Variants in EYS observed in about 807,000 individuals in gnomAD.
EYS encodes the protein protein eyes shut homolog.
EYS carries 250 observed loss-of-function variants against 282.1 expected under a neutral mutation model. The observed-to-expected ratio is 0.89, with a 90% CI of 0.80 to 0.98. EYS has a LOEUF of 0.98. Among genes scored for constraint, EYS ranks in the 50% least tolerant of loss-of-function variants. The probability of loss-of-function intolerance (pLI) is 0.00; values close to 1 mark genes in which losing one functional copy is unlikely to be tolerated. For synonymous variants in EYS, 1,355 were observed against 1,282.9 expected (o/e 1.06, Z -1.20); for missense variants, 4,016 against 3,709.0 (o/e 1.08, Z -2.15).
chr6:63,730,223 C>T (rs917336004), intron 41 of EYS, among the ~76,000 whole-genome samples: 1 of 152,296 alleles, frequency 6.6e-6, no homozygotes, highest in Admixed American at 6.5e-5. Context: ...TTACCACTGC[C>T]ACCATCCAAG....
At chr6:64,137,417 A>G (rs765426853) in intron 31 of EYS, among the ~76,000 whole-genome samples, 10 of 152,178 alleles carry the variant, frequency 6.6e-5, no homozygotes, top group Admixed American at 2.6e-4. Flanking sequence ...GTAGTGCAAG[A>G]GACCTAGCAT....
intron 26 of EYS, among the ~76,000 whole-genome samples, chr6:64,549,733 C>CTTTTTTTTT (rs10534314): frequency 7.1e-6 from 1 of 140,688 alleles, no homozygotes; most frequent in African/African-American, 2.7e-5. Flanking sequence ...CACATGAAAT[C>CTTTTTTTTT]TTTTTTTTTT....
At chr6:64,560,178 A>G (rs1013739535) in intron 26 of EYS, among the ~76,000 whole-genome samples, 2 of 151,964 alleles carry the variant, frequency 1.3e-5, no homozygotes, top group Non-Finnish European at 2.9e-5. Context: ...AATTTTTTAC[A>G]TATATGTTAA....
intron 18 of EYS, among the ~76,000 whole-genome samples, 160 bp downstream of exon 18, chr6:64,901,953 A>G (rs1398384906): frequency 2.0e-5 from 3 of 152,328 alleles, no homozygotes; most frequent in East Asian, 3.9e-4. Context: ...GAGATTTTTG[A>G]CATAAGTGAT....
intron 8 of EYS, among the ~76,000 whole-genome samples, chr6:65,358,259 T>C (rs1764568709): frequency 6.6e-6 from 1 of 151,854 alleles, no homozygotes; most frequent in East Asian, 1.9e-4. Context: ...TAACAGAAAA[T>C]TTTCTGTGGT....
intron 5 of EYS, among the ~76,000 whole-genome samples, chr6:65,413,058 T>G (rs569051687): frequency 6.6e-6 from 1 of 152,230 alleles, no homozygotes; most frequent in Admixed American, 6.5e-5. Context: ...CCAGAATCCC[T>G]GAATAAAAAG....
intron 19 of EYS, among the ~76,000 whole-genome samples, chr6:64,838,707 T>C (rs2812788): frequency 0.56 from 84,463 of 151,570 alleles, 24,263 homozygotes; most frequent in Non-Finnish European, 0.62. Flanking sequence ...TATGTGATTT[T>C]ATTTCATTAA....
rs73449392 is a variant in EYS at position 65,592,709 on chromosome 6, T to C, written c.-333+47069A>G. On this transcript the variant is annotated intron_variant, in intron 2 of 42. Coordinates refer to ENST00000503581, the MANE Select transcript of EYS (RefSeq NM_001142800.2). Reference sequence around the variant, plus strand: ...CCTGCCATGATGCACCACTACTTCATTGCATTAAACACAGTTTAAAATTAA... The same window carrying C: ...CCTGCCATGATGCACCACTACTTCACTGCATTAAACACAGTTTAAAATTAA... 5.7e-3 allele frequency among the ~76,000 whole-genome samples: 860 copies of C among 152,094 alleles called. 4 individuals are homozygous for C. The highest frequency in any genetic ancestry group is 0.019 in the African/African-American group (802 of 41,540).
At chr6:65,615,940 G>T (rs201556328) in intron 2 of EYS, among the ~76,000 whole-genome samples, 2 of 29,064 alleles carry the variant, frequency 6.9e-5, no homozygotes, top group African/African-American at 2.1e-4. Context: ...TCTCAAAAAA[G>T]AAAAAAAAAA....
At chr6:64,023,920 G>C (rs541029698) in intron 33 of EYS, among the ~76,000 whole-genome samples, 5 of 152,334 alleles carry the variant, frequency 3.3e-5, no homozygotes, top group African/African-American at 1.2e-4. Flanking sequence ...CTTAGCACCT[G>C]GGCCAGCAGC....
intron 5 of EYS, among the ~76,000 whole-genome samples, chr6:65,481,360 C>T (rs1765601064): frequency 6.6e-6 from 1 of 152,106 alleles, no homozygotes; most frequent in South Asian, 2.1e-4. Flanking sequence ...TAAATTTATG[C>T]TTTATTAAGC....
intron 35 of EYS, among the ~76,000 whole-genome samples, chr6:63,883,117 C>A (rs183459705): frequency 1.1e-4 from 16 of 152,278 alleles, no homozygotes; most frequent in South Asian, 4.1e-4. Flanking sequence ...AGTCACAACA[C>A]CTCCTAGCAT....
intron 22 of EYS, among the ~76,000 whole-genome samples, chr6:64,629,531 A>G (rs1344627180): frequency 1.3e-5 from 2 of 152,170 alleles, no homozygotes; most frequent in South Asian, 4.1e-4. Context: ...CCAGTGACAC[A>G]TATCTTTGAT....
chr6:65,494,051 A>C (rs1766140192), intron 4 of EYS, among the ~76,000 whole-genome samples: 1 of 152,106 alleles, frequency 6.6e-6, no homozygotes, highest in Non-Finnish European at 1.5e-5. Context: ...TTATTCTGAT[A>C]ATCTTATGTT....
chr6:64,207,515 G>A (rs1158316900), intron 31 of EYS, among the ~76,000 whole-genome samples: 1 of 152,104 alleles, frequency 6.6e-6, no homozygotes, highest in Non-Finnish European at 1.5e-5. Flanking sequence ...TTACATACTA[G>A]CTAATGCATT....
intron 31 of EYS, among the ~76,000 whole-genome samples, chr6:64,200,951 A>G (rs1473500016): frequency 6.6e-6 from 1 of 152,118 alleles, no homozygotes; most frequent in African/African-American, 2.4e-5. Context: ...TTTATAATAA[A>G]TGTCTTATTG....
rs111573379 is a variant in EYS at position 63,957,269 on chromosome 6, C to G, written c.7055+27114G>C. ...GAAAATGTAAAAAAATGTGGCTTCACTGAACAGACCTCAAAAAGGACACTT... is the reference window on the plus strand; with the variant it reads ...GAAAATGTAAAAAAATGTGGCTTCAGTGAACAGACCTCAAAAAGGACACTT... On this transcript the variant is annotated intron_variant, in intron 35 of 42. Transcript: ENST00000503581. 7.8e-5 allele frequency among the ~76,000 whole-genome samples: 11 copies of G among 140,494 alleles called. 2 individuals are homozygous for G. The highest frequency in any genetic ancestry group is 1.3e-4 in the Non-Finnish European group (8 of 61,836). The allele number at this position is 140,494 out of a possible 152,430, so 92.2% of individuals were successfully genotyped here.
intron 12 of EYS, among the ~76,000 whole-genome samples, chr6:65,262,813 A>AT (rs1019323194): frequency 5.3e-5 from 8 of 152,054 alleles, no homozygotes; most frequent in African/African-American, 1.7e-4. Context: ...CCTTTAAAAG[A>AT]TTTTAAGGGG....
intron 2 of EYS, among the ~76,000 whole-genome samples, chr6:65,553,824 AAAGG>A (rs1414781661): frequency 1.3e-5 from 2 of 152,112 alleles, no homozygotes; most frequent in Non-Finnish European, 2.9e-5. Flanking sequence ...ACATTTAAAT[AAAGG>A]AAGTTATTTA....
Sources: allele counts gnomAD v4.1 joint callset (sites outside exome capture counted in the v4.1 genomes callset), GRCh38; gene constraint gnomAD v4.1.1; transcripts MANE v1.5; gene names NCBI Gene and HGNC (gene_info 2026-07-23, HGNC 2026-07-21).